Variants in SNTG2 observed in about 807,000 individuals in gnomAD.
SNTG2 encodes the protein syntrophin gamma 2.
SNTG2 carries 74 observed loss-of-function variants against 70.9 expected under a neutral mutation model. That is an observed-to-expected ratio of 1.04 (90% confidence interval 0.86 to 1.27). SNTG2 has a LOEUF of 1.27. SNTG2 is among the 50% of genes most tolerant of loss of function. SNTG2 has a pLI of 0.00. For missense variants in SNTG2, 717 were observed against 690.7 expected, an observed-to-expected ratio of 1.04 and a Z score of -0.43; for synonymous variants, 278 against 273.8, an observed-to-expected ratio of 1.02 and a Z score of -0.15.
intron 1 of SNTG2, among the ~76,000 whole-genome samples, chr2:956,731 G>A (rs1660176156): frequency 6.6e-6 from 1 of 152,270 alleles, no homozygotes; most frequent in African/African-American, 2.4e-5. Flanking sequence ...CTGCTGCGTG[G>A]TAGCTGACCC....
chr2:1,274,342 C>T (rs1177440343), intron 14 of SNTG2, among the ~76,000 whole-genome samples: 1 of 152,194 alleles, frequency 6.6e-6, no homozygotes, highest in Non-Finnish European at 1.5e-5. Flanking sequence ...CAAATGGTCA[C>T]TGATGTAGGA....
In SNTG2 at chr2:1,014,419, C is replaced by G. The variant is rs56056444; in HGVS notation, c.72+63351C>G. Among the ~76,000 whole-genome samples, 97 of 60,540 alleles carry G rather than the reference C, an allele frequency of 1.6e-3. 8 individuals are homozygous for G. The highest frequency in any genetic ancestry group is 5.3e-3 in the South Asian group (10 of 1,896). The allele number at this position is 60,540 out of a possible 152,430, so 39.7% of individuals were successfully genotyped here. ...ATTTACAAGGGTAGAGAGAAGGGTG[C>G]TCTGGAGAGGGATTTATATGGGCAG... On this transcript the variant is annotated intron_variant, in intron 1 of 16. Coordinates refer to ENST00000308624, the MANE Select transcript of SNTG2 (RefSeq NM_018968.4).
chr2:1,067,136 A>C (rs976394070), intron 1 of SNTG2, among the ~76,000 whole-genome samples: 6 of 88,366 alleles, frequency 6.8e-5, no homozygotes, highest in Admixed American at 1.9e-4. Context: ...AGTCACTAGC[A>C]AAAAAAAAAA....
chr2:1,136,516 G>A (rs28535303), intron 4 of SNTG2, among the ~76,000 whole-genome samples: 18,299 of 152,072 alleles, frequency 0.12, 1,155 homozygotes, highest in Admixed American at 0.15. Context: ...GTACCATTAC[G>A]TACACTGATA....
At chr2:1,070,479 G>A (rs570213569) in intron 1 of SNTG2, among the ~76,000 whole-genome samples, 9 of 152,224 alleles carry the variant, frequency 5.9e-5, no homozygotes, top group African/African-American at 2.2e-4. Flanking sequence ...CAGAGTTTCC[G>A]ACATAATACA....
intron 4 of SNTG2, among the ~76,000 whole-genome samples, chr2:1,106,491 C>T (rs1167119013): frequency 2.6e-5 from 3 of 115,658 alleles, no homozygotes; most frequent in Non-Finnish European, 5.2e-5. Context: ...AGAGTGGACA[C>T]GTGCTGTCAC....
intron 1 of SNTG2, among the ~76,000 whole-genome samples, chr2:1,027,253 G>A (rs1660529900): frequency 6.6e-6 from 1 of 152,266 alleles, no homozygotes; most frequent in Non-Finnish European, 1.5e-5. Context: ...CATCTCTGTT[G>A]AGTAAAGAGA....
intron 1 of SNTG2, among the ~76,000 whole-genome samples, chr2:1,083,291 A>G (rs1023899635): frequency 2.6e-5 from 4 of 151,318 alleles, no homozygotes; most frequent in African/African-American, 9.7e-5. Flanking sequence ...TTTTAAAAAC[A>G]TGCCTTATAT....
chr2:1,261,402 A>G (rs936825266), intron 13 of SNTG2, among the ~76,000 whole-genome samples: 6 of 152,248 alleles, frequency 3.9e-5, no homozygotes, highest in African/African-American at 1.4e-4. Context: ...TAGACCAGAA[A>G]TCAAATTCTG....
intron 1 of SNTG2, among the ~76,000 whole-genome samples, chr2:1,034,893 C>T (rs1459995537): frequency 6.6e-6 from 1 of 152,164 alleles, no homozygotes. Flanking sequence ...AACAACTTTC[C>T]ACCCAACCAC....
intron 8 of SNTG2, among the ~76,000 whole-genome samples, chr2:1,183,096 C>T (rs1672024115): frequency 6.6e-6 from 1 of 152,146 alleles, no homozygotes; most frequent in African/African-American, 2.4e-5. Flanking sequence ...TTCGTTTTGC[C>T]TGTTTTTGAA....
At chr2:1,047,280 T>G (rs1022100128) in intron 1 of SNTG2, among the ~76,000 whole-genome samples, 3 of 152,226 alleles carry the variant, frequency 2.0e-5, no homozygotes, top group African/African-American at 4.8e-5. Context: ...TTCTTTGGCT[T>G]GGGTTTCAAC....
intron 8 of SNTG2, among the ~76,000 whole-genome samples, chr2:1,179,635 T>C (rs556386784): frequency 3.0e-4 from 46 of 151,956 alleles, no homozygotes; most frequent in South Asian, 6.3e-4. Context: ...AAAATGACCA[T>C]ACTGCCCAAG....
intron 14 of SNTG2, among the ~76,000 whole-genome samples, chr2:1,271,493 A>C (rs1349228761): frequency 6.6e-6 from 1 of 152,196 alleles, no homozygotes; most frequent in Non-Finnish European, 1.5e-5. Flanking sequence ...AAAAACACAA[A>C]GTATAAAATA....
At chr2:1,205,325 C>A (rs1482915161) in intron 8 of SNTG2, among the ~76,000 whole-genome samples, 1 of 152,144 alleles carries the variant, frequency 6.6e-6, no homozygotes, top group Admixed American at 6.5e-5. Flanking sequence ...TAAAAGTACT[C>A]AATTTTTCTC....
intron 15 of SNTG2, among the ~76,000 whole-genome samples, chr2:1,310,389 A>G (rs930817438): frequency 2.6e-5 from 4 of 152,168 alleles, no homozygotes; most frequent in Non-Finnish European, 5.9e-5. Context: ...CATAGTGTCC[A>G]GAGGTCACGT....
chr2:1,033,205 G>C lies in SNTG2; in HGVS notation c.73-50313G>C, dbSNP rs141136797. 6.6e-4 allele frequency among the ~76,000 whole-genome samples: 100 copies of C among 152,302 alleles called. 1 individual carries two copies. Among genetic ancestry groups the C allele is most frequent in the African/African-American group, 2.1e-3 (89 of 41,558 alleles). On this transcript the variant is annotated intron_variant, in intron 1 of 16. Transcript: ENST00000308624. Reference sequence around the variant, plus strand: ...GAGATTTGGAGGAAACAGCATCCCAGTTGGTACTGCAGCCTCAGGCAATTG... The same window carrying C: ...GAGATTTGGAGGAAACAGCATCCCACTTGGTACTGCAGCCTCAGGCAATTG...
At chr2:1,047,270 T>G (rs921060494) in intron 1 of SNTG2, among the ~76,000 whole-genome samples, 1 of 152,218 alleles carries the variant, frequency 6.6e-6, no homozygotes, top group African/African-American at 2.4e-5. Context: ...ATTCCATAAA[T>G]TCTTTGGCTT....
At chr2:1,197,775 C>G (rs1254249361) in intron 8 of SNTG2, among the ~76,000 whole-genome samples, 1 of 151,898 alleles carries the variant, frequency 6.6e-6, no homozygotes, top group African/African-American at 2.4e-5. Flanking sequence ...CTCAAGTGAT[C>G]CAACTGCCTC....
Sources: allele counts gnomAD v4.1 joint callset (sites outside exome capture counted in the v4.1 genomes callset), GRCh38; gene constraint gnomAD v4.1.1; transcripts MANE v1.5; gene names NCBI Gene and HGNC (gene_info 2026-07-23, HGNC 2026-07-21).